Variants in GRB2 observed in about 807,000 individuals in gnomAD.
GRB2 encodes growth factor receptor-bound protein 2.
A neutral mutation model predicts 27.4 loss-of-function variants in GRB2; 2 were observed. The ratio of observed to expected loss-of-function variants is 0.07; its 90% confidence interval spans 0.03 to 0.23. The LOEUF is 0.23. Among genes scored for constraint, GRB2 ranks in the 10% least tolerant of loss-of-function variants. The pLI is 1.00. For missense variants in GRB2, 102 were observed against 282.4 expected (o/e 0.36, Z 4.58); for synonymous variants, 94 against 99.6 (o/e 0.94, Z 0.33).
At chr17:75,331,055 G>A (rs2078538018) in intron 3 of GRB2, among the ~76,000 whole-genome samples, 1 of 152,094 alleles carries the variant, frequency 6.6e-6, no homozygotes, top group Non-Finnish European at 1.5e-5. Context: ...GGTAGGATGT[G>A]GAGGAGAAGG....
At chr17:75,335,503 A>T (rs1185066315) in intron 2 of GRB2, among the ~76,000 whole-genome samples, 1 of 152,214 alleles carries the variant, frequency 6.6e-6, no homozygotes, top group Non-Finnish European at 1.5e-5. Context: ...AAGGGTAGAT[A>T]AGAATGACAG....
At chr17:75,363,300 C>A (rs2078797130) in intron 2 of GRB2, among the ~76,000 whole-genome samples, 1 of 152,124 alleles carries the variant, frequency 6.6e-6, no homozygotes, top group African/African-American at 2.4e-5. Flanking sequence ...TCACAGGTCA[C>A]CTCTAAAATC....
chr17:75,383,017 T>TAATCCTTACTGTTAGCC (rs2078939515), intron 2 of GRB2, among the ~76,000 whole-genome samples: 1 of 152,116 alleles, frequency 6.6e-6, no homozygotes, highest in Non-Finnish European at 1.5e-5. Context: ...CCGGCATCCT[T>TAATCCTTACTGTTAGCC]AAGATTTTTA....
At chr17:75,380,209 C>T (rs1003393826) in intron 2 of GRB2, among the ~76,000 whole-genome samples, 2 of 152,064 alleles carry the variant, frequency 1.3e-5, no homozygotes, top group African/African-American at 4.8e-5. Context: ...AAGCTGTGCA[C>T]AGTGATTTTT....
intron 2 of GRB2, among the ~76,000 whole-genome samples, chr17:75,359,979 A>T (rs7225884): frequency 0.74 from 94,339 of 127,600 alleles, 35,810 homozygotes; most frequent in East Asian, 0.9. Flanking sequence ...TTTCTGTCTT[A>T]AAAAAAAAAA....
rs1421959050 is a variant in GRB2 at position 75,319,410 on chromosome 17, G to T, written c.*958C>A. On this transcript the variant is annotated 3_prime_UTR_variant, in exon 6 of 6. Transcript: ENST00000316804. The stretch of plus-strand genomic sequence containing the variant: ...ACATGCTCGATAATCCCACTGGAAG[G>T]GCCAACAAAGTGGAAAGAGACAGGC... 6.7e-6 allele frequency: 1 copy of T among 149,652 alleles called. No individual in the cohort carries two copies. The highest frequency in any genetic ancestry group is 2.4e-5 in the African/African-American group (1 of 40,878). 9.3% of individuals were successfully genotyped at this position (149,652 alleles called of 1,614,324 possible).
chr17:75,384,481 C>T (rs954821904), intron 2 of GRB2, among the ~76,000 whole-genome samples: 10 of 151,870 alleles, frequency 6.6e-5, no homozygotes, highest in Admixed American at 2.0e-4. Context: ...CCAGCCTGGC[C>T]GACATGGTGA....
At chr17:75,338,613 C>A (rs2078597712) in intron 2 of GRB2, among the ~76,000 whole-genome samples, 1 of 152,146 alleles carries the variant, frequency 6.6e-6, no homozygotes, top group African/African-American at 2.4e-5. Context: ...TTAACGGAAG[C>A]AGATTGATCA....
At chr17:75,398,472 G>A (rs571323925) in intron 1 of GRB2, among the ~76,000 whole-genome samples, 1 of 151,986 alleles carries the variant, frequency 6.6e-6, no homozygotes, top group African/African-American at 2.4e-5. Flanking sequence ...TGCTGCCCAG[G>A]CTGGTCTCAA....
Position 75,336,939 on chromosome 17 carries a change from T to C in GRB2, c.79-4142A>G, listed in dbSNP as rs146519108. Among the ~76,000 whole-genome samples, 49 of 152,316 alleles carry C rather than the reference T, an allele frequency of 3.2e-4. No homozygotes were observed. The East Asian group carries it at 3.7e-3, about 11-fold the overall frequency. ...TTTTAGCAGACACGGGATTTCACCA[T>C]GTTGGCTAGGCTGGTCTCATATTCC... On this transcript the variant is annotated intron_variant, in intron 2 of 5. Coordinates refer to ENST00000316804, the MANE Select transcript of GRB2 (RefSeq NM_002086.5).
chr17:75,358,786 A>C (rs2078754244), intron 2 of GRB2, among the ~76,000 whole-genome samples: 1 of 144,642 alleles, frequency 6.9e-6, no homozygotes, highest in African/African-American at 2.5e-5. Flanking sequence ...CAGGAGGCTG[A>C]GGCATGAGAA....
intron 1 of GRB2, among the ~76,000 whole-genome samples, chr17:75,400,787 G>A (rs144987684): frequency 1.3e-5 from 2 of 152,242 alleles, no homozygotes; most frequent in African/African-American, 2.4e-5. Flanking sequence ...GGTGACAGGC[G>A]TGAGCTACTG....
chr17:75,348,668 T>C (rs1017389947), intron 2 of GRB2, among the ~76,000 whole-genome samples: 1 of 152,140 alleles, frequency 6.6e-6, no homozygotes, highest in Non-Finnish European at 1.5e-5. Flanking sequence ...CACCGCTACA[T>C]GTTTCTATTT....
intron 2 of GRB2, among the ~76,000 whole-genome samples, chr17:75,392,342 T>G (rs1433467277): frequency 6.6e-6 from 1 of 152,206 alleles, no homozygotes; most frequent in African/African-American, 2.4e-5. Context: ...AAAGTTTTCT[T>G]CTCTTTAAAG....
rs141238735 is a variant in GRB2 at position 75,397,881 on chromosome 17, G to A, written c.-137-4116C>T. Among the ~76,000 whole-genome samples, 432 of 150,454 alleles carry A rather than the reference G, an allele frequency of 2.9e-3. 4 individuals carry two copies. Among genetic ancestry groups the A allele is most frequent in the African/African-American group, 9.9e-3 (403 of 40,522 alleles). ...TTTTGAGACAGCATCTAGCTCTGTC[G>A]CCCAGGCTGGACTGCAGTGTCACGA... On this transcript the variant is annotated intron_variant, in intron 1 of 5. Coordinates refer to ENST00000316804, the MANE Select transcript of GRB2 (RefSeq NM_002086.5).
chr17:75,382,203 C>T (rs2145863716), intron 2 of GRB2, among the ~76,000 whole-genome samples: 1 of 134,776 alleles, frequency 7.4e-6, no homozygotes, highest in South Asian at 2.6e-4. Context: ...AGCCTGATGA[C>T]AGAGCAAGAC....
chr17:75,394,782 G>C (rs1466038385), intron 1 of GRB2: 1 of 152,222 alleles, frequency 6.6e-6, no homozygotes, highest in Admixed American at 6.5e-5. Context: ...AGAGCAAGCA[G>C]AGTATAAAAC....
intron 1 of GRB2, chr17:75,395,050 TC>T (rs1431917952): frequency 2.0e-5 from 3 of 152,224 alleles, no homozygotes; most frequent in African/African-American, 7.2e-5. Context: ...GTGACACCTT[TC>T]TTGGATAATT....
intron 2 of GRB2, among the ~76,000 whole-genome samples, chr17:75,343,085 G>A (rs539096863): frequency 1.4e-5 from 2 of 140,560 alleles, no homozygotes; most frequent in Admixed American, 7.1e-5. Flanking sequence ...GGGAAGGAGT[G>A]GGGGTGGGTG....
Sources: allele counts gnomAD v4.1 joint callset (sites outside exome capture counted in the v4.1 genomes callset), GRCh38; gene constraint gnomAD v4.1.1; transcripts MANE v1.5; gene names NCBI Gene and HGNC (gene_info 2026-07-23, HGNC 2026-07-21).